ANKS1B: variants seen among roughly 807,000 people sequenced by gnomAD.
The protein encoded by ANKS1B is ankyrin repeat and sterile alpha motif domain-containing protein 1B.
ANKS1B carries 36 observed loss-of-function variants against 148.3 expected under a neutral mutation model. That is an observed-to-expected ratio of 0.24 (90% CI 0.19 to 0.32). The LOEUF is 0.32. ANKS1B is among the 10% of genes least tolerant of loss of function. ANKS1B has a pLI of 1.00. For missense variants in ANKS1B, 1,157 were observed against 1,542.6 expected (o/e 0.75, Z 4.19); for synonymous variants, 542 against 560.8 (o/e 0.97, Z 0.47).
intron 8 of ANKS1B, among the ~76,000 whole-genome samples, chr12:99,754,894 T>G (rs1242971472): frequency 6.6e-6 from 1 of 151,806 alleles, no homozygotes; most frequent in African/African-American, 2.4e-5. Context: ...CGTCAAAAAG[T>G]TAGAAAGAGC....
intron 17 of ANKS1B, among the ~76,000 whole-genome samples, chr12:98,897,670 G>C (rs1166741556): frequency 6.6e-6 from 1 of 152,198 alleles, no homozygotes; most frequent in Non-Finnish European, 1.5e-5. Flanking sequence ...ATTTCTCAAA[G>C]AGCTATAAAC....
intron 8 of ANKS1B, among the ~76,000 whole-genome samples, chr12:99,709,583 G>A (rs2056338785): frequency 6.6e-6 from 1 of 152,114 alleles, no homozygotes; most frequent in Non-Finnish European, 1.5e-5. Flanking sequence ...TTGCCAGCTA[G>A]CAAGTGGTAT....
In ANKS1B at chr12:99,449,917, AT is replaced by A. The variant is rs1567123040; in HGVS notation, c.1439-6109del. 1.0e-3 allele frequency among the ~76,000 whole-genome samples: 155 copies of A among 151,770 alleles called. 1 individual carries two copies. The highest frequency in any genetic ancestry group is 3.7e-3 in the African/African-American group (153 of 41,374). On this transcript the variant is annotated intron_variant, in intron 10 of 26. Transcript: ENST00000683438. ...CATCTATCTATCTATCTATCTATCTATCTATCTATCTATCTATCTATCTATC... is the reference window on the plus strand; with the variant it reads ...CATCTATCTATCTATCTATCTATCTACTATCTATCTATCTATCTATCTATC...
At chr12:99,244,509 G>T in intron 13 of ANKS1B, 95 bp from the exon 14 acceptor site, 1 of 747,314 alleles carries the variant, frequency 1.3e-6, no homozygotes. Flanking sequence ...AAATATTTTT[G>T]ATGTTATTAC....
chr12:99,221,883 T>A (rs1601809771), intron 14 of ANKS1B, among the ~76,000 whole-genome samples: 1 of 152,208 alleles, frequency 6.6e-6, no homozygotes, highest in African/African-American at 2.4e-5. Context: ...ATTGCAGCAT[T>A]GTTTATAATA....
Position 99,984,118 on chromosome 12 carries a change from C to T in ANKS1B, c.120G>A (p.Leu40=). 3.7e-6 allele frequency: 6 copies of T among 1,613,120 alleles called. No homozygotes were observed. The highest frequency in any genetic ancestry group is 5.1e-6 in the Non-Finnish European group (6 of 1,179,390). ...ILGGGSGPLP[L]SNLLSIWRGP... ...CCCGTCCTTACCTTAGCAGATTAGA[C>T]AGGGGCAGGGGTCCGGATCCACCGC... The change falls in exon 1 of 27, where the codon CTG becomes CTA. Residue 40 remains leucine, a synonymous_variant. Coordinates refer to ENST00000683438, the MANE Select transcript of ANKS1B (RefSeq NM_001352186.2).
chr12:99,480,099 AAG>A (rs921765465), intron 10 of ANKS1B, among the ~76,000 whole-genome samples: 144 of 151,952 alleles, frequency 9.5e-4, no homozygotes, highest in African/African-American at 3.4e-3. Flanking sequence ...TATACCCTAT[AAG>A]AGAGAGACAT....
intron 12 of ANKS1B, among the ~76,000 whole-genome samples, chr12:99,312,408 G>A (rs1475445332): frequency 2.6e-5 from 4 of 152,140 alleles, no homozygotes; most frequent in African/African-American, 9.7e-5. Flanking sequence ...TGCATAGGAA[G>A]TGGTGAAATA....
chr12:99,164,123 A>C (rs2076969237), intron 14 of ANKS1B, among the ~76,000 whole-genome samples: 1 of 151,914 alleles, frequency 6.6e-6, no homozygotes, highest in African/African-American at 2.4e-5. Context: ...TTGTTTTTCT[A>C]CTGTTGAGTT....
At position 99,246,881 on chromosome 12, in the gene ANKS1B, G is replaced by A; in HGVS notation, c.1757-17C>T. ...AGAGGTCATCTGCAAAAGGAAGGAA[G>A]GGATATCAGGGTTTATAAAGGTTCT... On this transcript the variant is annotated splice_polypyrimidine_tract_variant and intron_variant, in intron 12 of 26. Transcript: ENST00000683438. 1 of 1,542,370 alleles carries A rather than the reference G, an allele frequency of 6.5e-7. No homozygotes were observed. Among genetic ancestry groups the A allele is most frequent in the Non-Finnish European group, 8.7e-7 (1 of 1,154,054 alleles).
At position 99,901,230 on chromosome 12, in the gene ANKS1B, T is replaced by G. The variant is rs142476991; in HGVS notation, c.135-75841A>C. On this transcript the variant is annotated intron_variant, in intron 1 of 26. Coordinates refer to ENST00000683438, the MANE Select transcript of ANKS1B (RefSeq NM_001352186.2). ...TTTGGAATGAATGAATGAAGACTCA[T>G]TTATACCAAGAAGGAAGAAAAGAAT... Among the ~76,000 whole-genome samples, 482 of 152,322 alleles carry G rather than the reference T, an allele frequency of 3.2e-3. 2 individuals are homozygous for G. The highest frequency in any genetic ancestry group is 0.011 in the African/African-American group (458 of 41,574).
At chr12:99,857,814 C>T (rs189486656) in intron 1 of ANKS1B, among the ~76,000 whole-genome samples, 25 of 152,058 alleles carry the variant, frequency 1.6e-4, no homozygotes, top group Admixed American at 1.4e-3. Flanking sequence ...CAAATGGTGC[C>T]GGGATAATTG....
chr12:99,029,939 G>C (rs758884729), intron 17 of ANKS1B, among the ~76,000 whole-genome samples: 5 of 152,270 alleles, frequency 3.3e-5, no homozygotes, highest in African/African-American at 4.8e-5. Flanking sequence ...AGTGATCTGA[G>C]ATGTGTGAAA....
intron 12 of ANKS1B, among the ~76,000 whole-genome samples, chr12:99,280,016 A>T (rs1485811022): frequency 1.3e-5 from 2 of 152,122 alleles, no homozygotes; most frequent in African/African-American, 4.8e-5. Context: ...AAAAAATAAA[A>T]ATAAAATAAA....
rs1441188092 is a variant in ANKS1B at position 99,139,418 on chromosome 12, CTTTCTTTCTTTCTTTCTTTCTT to C, written c.2526+14849_2526+14870del. On this transcript the variant is annotated intron_variant, in intron 15 of 26. Transcript: ENST00000683438. ...TCTTTCTTTCTTTCTTTCTTTCTTT[CTTTCTTTCTTTCTTTCTTTCTT>C]TTTCTTTCTTTCTTTCTTTCAAGAT... Among the ~76,000 whole-genome samples the C allele has an allele frequency of 3.2e-3, 19 of 5,926 alleles. 6 individuals are homozygous for C. The African/African-American group carries it at 0.057, about 18-fold the overall frequency. 3.9% of individuals were successfully genotyped at this position (5,926 alleles called of 152,430 possible).
At chr12:99,647,831 T>C (rs2098386303) in intron 9 of ANKS1B, 1 of 275,978 alleles carries the variant, frequency 3.6e-6, no homozygotes, top group South Asian at 7.3e-5. Flanking sequence ...CAAAGGCTGT[T>C]GTGAAGTGGA....
intron 17 of ANKS1B, among the ~76,000 whole-genome samples, chr12:98,979,035 G>A (rs1456994469): frequency 3.3e-5 from 5 of 151,624 alleles, no homozygotes; most frequent in Middle Eastern, 3.5e-3. Flanking sequence ...CCAGCTACTC[G>A]GGAGGCTGAG....
intron 16 of ANKS1B, among the ~76,000 whole-genome samples, chr12:99,059,799 A>ATATATATATATATATATATATATC (rs2041757519): frequency 6.8e-6 from 1 of 146,016 alleles, no homozygotes; most frequent in Non-Finnish European, 1.5e-5. Flanking sequence ...ATATATATAT[A>ATATATATATATATATATATATATC]TATATATGAT....
exon 10 of ANKS1B, chr12:98,735,405 T>A (rs2097768260): frequency 4.7e-6 from 2 of 427,740 alleles, no homozygotes; most frequent in African/African-American, 2.0e-5. Context: ...TTTGTAAAAA[T>A]AAAATTCACA....
Sources: allele counts gnomAD v4.1 joint callset (sites outside exome capture counted in the v4.1 genomes callset), GRCh38; gene constraint gnomAD v4.1.1; transcripts MANE v1.5; gene names NCBI Gene and HGNC (gene_info 2026-07-23, HGNC 2026-07-21).